The following WWOX variants were observed in gnomAD, a reference collection of about 807,000 sequenced individuals.
WWOX encodes the protein WW domain-containing oxidoreductase.
WWOX carries 69 observed loss-of-function variants against 46.2 expected under a neutral mutation model. That is an observed-to-expected ratio of 1.49 (90% confidence interval 1.23 to 1.82). The LOEUF is 1.82. Among genes scored for constraint, WWOX ranks in the 40% most tolerant of loss-of-function variants. The pLI, the probability that WWOX is intolerant of heterozygous loss-of-function variation, is 0.00. For missense variants in WWOX, 919 were observed against 542.6 expected (o/e 1.69, Z -6.89); for synonymous variants, 359 against 202.6 (o/e 1.77, Z -6.56).
chr16:79,189,581 A>G (rs527276214), intron 8 of WWOX, among the ~76,000 whole-genome samples: 1 of 151,996 alleles, frequency 6.6e-6, no homozygotes, highest in Non-Finnish European at 1.5e-5. Flanking sequence ...GATTACCTGC[A>G]TGAGCCACTG....
At chr16:78,421,488 A>T (rs547050018) in intron 6 of WWOX, among the ~76,000 whole-genome samples, 1 of 152,170 alleles carries the variant, frequency 6.6e-6, no homozygotes, top group Non-Finnish European at 1.5e-5. Flanking sequence ...TCATTTTAAG[A>T]TGTGGGACTT....
chr16:78,757,117 A>G, intron 8 of WWOX: 1 of 678,930 alleles, frequency 1.5e-6, no homozygotes, highest in East Asian at 2.7e-5. Flanking sequence ...TTGAGCCCCT[A>G]TCTAGAACCA....
At chr16:78,679,265 A>G (rs1056593178) in intron 8 of WWOX, among the ~76,000 whole-genome samples, 2 of 152,174 alleles carry the variant, frequency 1.3e-5, no homozygotes, top group Admixed American at 1.3e-4. Context: ...AAGATGGGTG[A>G]GGTGGCTGGG....
At chr16:79,050,353 C>G (rs2550686) in intron 8 of WWOX, among the ~76,000 whole-genome samples, 129 of 152,328 alleles carry the variant, frequency 8.5e-4, no homozygotes, top group African/African-American at 2.9e-3. Context: ...CTCCACATGT[C>G]TCTCATCTTC....
At chr16:78,321,544 G>A (rs958237774) in intron 5 of WWOX, among the ~76,000 whole-genome samples, 1 of 151,888 alleles carries the variant, frequency 6.6e-6, no homozygotes, top group Admixed American at 6.6e-5. Context: ...TCTGATGTTT[G>A]TGGGTGTGTA....
At chr16:78,854,472 C>T (rs1167386803) in intron 8 of WWOX, among the ~76,000 whole-genome samples, 1 of 152,194 alleles carries the variant, frequency 6.6e-6, no homozygotes, top group East Asian at 1.9e-4. Flanking sequence ...AAATATGTAG[C>T]CAGTTAATAT....
chr16:78,501,540 T>C (rs1002288354), intron 8 of WWOX, among the ~76,000 whole-genome samples: 1 of 151,622 alleles, frequency 6.6e-6, no homozygotes, highest in Non-Finnish European at 1.5e-5. Flanking sequence ...TTCTTTTTCT[T>C]TCTTTTTTTT....
chr16:78,107,842 T>C (rs2032248783), intron 1 of WWOX, among the ~76,000 whole-genome samples: 1 of 152,060 alleles, frequency 6.6e-6, no homozygotes, highest in African/African-American at 2.4e-5. Context: ...TTTTAAGAGA[T>C]TATATAAATT....
intron 5 of WWOX, among the ~76,000 whole-genome samples, chr16:78,229,667 TG>T (rs1303776559): frequency 5.9e-5 from 9 of 151,986 alleles, no homozygotes; most frequent in Non-Finnish European, 1.2e-4. Flanking sequence ...CTTCTTGTTT[TG>T]GGGGCTAATT....
intron 8 of WWOX, among the ~76,000 whole-genome samples, chr16:79,005,978 G>T (rs967001460): frequency 6.6e-6 from 1 of 152,110 alleles, no homozygotes; most frequent in African/African-American, 2.4e-5. Context: ...GGGGACAGGC[G>T]GCAGGTGTTT....
At chr16:78,289,686 C>G (rs772993779) in intron 5 of WWOX, among the ~76,000 whole-genome samples, 14 of 152,190 alleles carry the variant, frequency 9.2e-5, no homozygotes, top group Non-Finnish European at 1.9e-4. Context: ...ATTGTAAAAT[C>G]AAACCTATTT....
intron 6 of WWOX, among the ~76,000 whole-genome samples, chr16:78,398,504 C>T (rs1344536673): frequency 1.3e-5 from 2 of 152,178 alleles, no homozygotes; most frequent in Admixed American, 6.5e-5. Context: ...TACAGAGCCT[C>T]CCTTCTACCT....
intron 8 of WWOX, among the ~76,000 whole-genome samples, chr16:78,435,921 C>T (rs1403584705): frequency 3.9e-5 from 6 of 152,190 alleles, no homozygotes; most frequent in African/African-American, 9.6e-5. Flanking sequence ...TAATCTGGCT[C>T]TCCAGTATGG....
intron 4 of WWOX, among the ~76,000 whole-genome samples, chr16:78,116,279 C>T (rs910172632): frequency 6.6e-6 from 1 of 152,186 alleles, no homozygotes; most frequent in Non-Finnish European, 1.5e-5. Context: ...CATTAACCAT[C>T]TGCACTTCTT....
At chr16:78,656,600 G>A (rs1432518033) in intron 8 of WWOX, among the ~76,000 whole-genome samples, 1 of 152,178 alleles carries the variant, frequency 6.6e-6, no homozygotes, top group Non-Finnish European at 1.5e-5. Context: ...CATGAGAACA[G>A]CAAGGGGGAA....
intron 5 of WWOX, among the ~76,000 whole-genome samples, chr16:78,265,100 A>G (rs1446917411): frequency 6.7e-6 from 1 of 149,856 alleles, no homozygotes; most frequent in East Asian, 2.0e-4. Flanking sequence ...TGCCTGGTTC[A>G]AGTGATTCTC....
At chr16:78,920,284 G>C (rs1357172451) in intron 8 of WWOX, among the ~76,000 whole-genome samples, 10 of 152,178 alleles carry the variant, frequency 6.6e-5, no homozygotes, top group Admixed American at 6.5e-4. Flanking sequence ...ACAGTGACCT[G>C]GTCACTCTGG....
chr16:79,210,208 G>C (rs1301241191), intron 8 of WWOX, among the ~76,000 whole-genome samples: 3 of 152,284 alleles, frequency 2.0e-5, no homozygotes, highest in South Asian at 4.1e-4. Context: ...ATTGTTACTA[G>C]ATATCCTGAC....
intron 8 of WWOX, among the ~76,000 whole-genome samples, chr16:78,739,087 C>T (rs1290534999): frequency 3.3e-5 from 5 of 152,172 alleles, no homozygotes; most frequent in African/African-American, 1.2e-4. Context: ...CCTCACTGTG[C>T]CCCATAGCTG....
Sources: allele counts gnomAD v4.1 joint callset (sites outside exome capture counted in the v4.1 genomes callset), GRCh38; gene constraint gnomAD v4.1.1; transcripts MANE v1.5; gene names NCBI Gene and HGNC (gene_info 2026-07-23, HGNC 2026-07-21).